ARRB1: variants seen among roughly 807,000 people sequenced by gnomAD.
ARRB1 encodes the protein arrestin beta 1.
Under a neutral mutation model 56.8 loss-of-function variants are expected in ARRB1, and 21 were observed. The observed-to-expected ratio is 0.37, with a 90% CI of 0.26 to 0.53. The LOEUF (loss-of-function observed/expected upper bound fraction) is 0.53. Ranked by LOEUF, ARRB1 falls within the 20% of genes least tolerant of loss-of-function variation. The pLI is 0.88. For missense variants in ARRB1, 424 were observed against 553.7 expected (o/e 0.77, Z 2.35); for synonymous variants, 210 against 218.6 (o/e 0.96, Z 0.35).
rs372742876 is a variant in ARRB1, at chr11:75,269,306, C to G, written c.1023-347G>C. 23 of 441,824 alleles carry G rather than the reference C, an allele frequency of 5.2e-5. 1 individual carries two copies. The highest frequency in any genetic ancestry group is 3.7e-4 in the South Asian group (21 of 56,212). 27.4% of individuals were successfully genotyped at this position (441,824 alleles called of 1,614,324 possible). A position where few individuals can be genotyped will look rare whatever the true frequency, so the allele number is the denominator to read the frequency against. ...TCCAGAGGTGCCCTGGGACCCCCCCCCACCTCAAATCGCCACAGCCACCCT... is the reference window on the plus strand; with the variant it reads ...TCCAGAGGTGCCCTGGGACCCCCCCGCACCTCAAATCGCCACAGCCACCCT... On this transcript the variant is annotated intron_variant, in intron 13 of 15. Transcript: ENST00000420843.
chr11:75,346,302 C>T (rs1343328522), intron 1 of ARRB1, among the ~76,000 whole-genome samples: 2 of 152,256 alleles, frequency 1.3e-5, no homozygotes, highest in African/African-American at 4.8e-5. Context: ...ACATGTCTTC[C>T]CCAGGACCAG....
At chr11:75,332,608 T>G (rs1591983863) in intron 1 of ARRB1, among the ~76,000 whole-genome samples, 1 of 152,196 alleles carries the variant, frequency 6.6e-6, no homozygotes, top group African/African-American at 2.4e-5. Context: ...TAAGTTTACC[T>G]ATAGCTGGCC....
intron 1 of ARRB1, among the ~76,000 whole-genome samples, chr11:75,313,423 G>A (rs1947205068): frequency 6.6e-6 from 1 of 152,224 alleles, no homozygotes; most frequent in Non-Finnish European, 1.5e-5. Flanking sequence ...TAAGGTTGGG[G>A]GCCCCTCAGC....
chr11:75,300,977 A>AG (rs1032212386), intron 1 of ARRB1, among the ~76,000 whole-genome samples: 5 of 147,152 alleles, frequency 3.4e-5, no homozygotes, highest in Non-Finnish European at 7.4e-5. Context: ...CAAAAAAAAA[A>AG]AAAAAAAAAT....
intron 4 of ARRB1, 130 bp downstream of exon 4, chr11:75,284,105 G>A (rs1366850232): frequency 3.2e-6 from 3 of 923,926 alleles, no homozygotes; most frequent in African/African-American, 1.6e-5. Flanking sequence ...AGGAGGCAAC[G>A]GCATCTGTAG....
intron 1 of ARRB1, among the ~76,000 whole-genome samples, chr11:75,294,961 T>C (rs961857364): frequency 2.0e-5 from 3 of 152,102 alleles, no homozygotes; most frequent in Non-Finnish European, 2.9e-5. Flanking sequence ...TGGTGGCTCA[T>C]GCCTGTAATC....
rs574221802 is a variant in ARRB1 at position 75,278,648 on chromosome 11, C to A, written c.579G>T (p.Ser193=). The A allele has an allele frequency of 1.9e-6, 3 of 1,614,144 alleles. No individual in the cohort carries two copies. Among genetic ancestry groups the A allele is most frequent in the Admixed American group, 3.3e-5 (2 of 60,024 alleles). Residue 193 remains serine (S), a synonymous_variant, in exon 8 of 16, where the codon TCG becomes TCT. Coordinates refer to ENST00000420843, the MANE Select transcript of ARRB1 (RefSeq NM_004041.5). ...AGGCTTCTAGGTGCAAGGGCTTGTC[C>A]GACATGAGGAACTGCCTGGTGGTCT... The part of the protein sequence containing the change: ...TAETTRQFLM[S]DKPLHLEASL...
At chr11:75,269,304 C>G (rs1274682797) in intron 13 of ARRB1, 1 of 443,542 alleles carries the variant, frequency 2.3e-6, no homozygotes, top group African/African-American at 2.0e-5. Flanking sequence ...TGGGACCCCC[C>G]CCCACCTCAA....
chr11:75,267,405 C>T (rs1024053170), intron 15 of ARRB1, among the ~76,000 whole-genome samples: 4 of 152,096 alleles, frequency 2.6e-5, no homozygotes, highest in African/African-American at 9.7e-5. Context: ...GACTGACGGA[C>T]GGACGTGCAA....
chr11:75,343,051 T>G (rs1237252369), intron 1 of ARRB1, among the ~76,000 whole-genome samples: 1 of 152,176 alleles, frequency 6.6e-6, no homozygotes, highest in East Asian at 1.9e-4. Flanking sequence ...CGAAATGCCT[T>G]GGCTGAACAA....
chr11:75,337,680 C>G (rs1292769925), intron 1 of ARRB1, among the ~76,000 whole-genome samples: 2 of 151,478 alleles, frequency 1.3e-5, no homozygotes, highest in Non-Finnish European at 2.9e-5. Context: ...GCTAAGGGAG[C>G]CTGGAAGAGG....
In ARRB1 at chr11:75,275,865, G is replaced by T. The variant is rs568203307; in HGVS notation, c.776+974C>A. On this transcript the variant is annotated intron_variant, in intron 10 of 15. Coordinates refer to ENST00000420843, the MANE Select transcript of ARRB1 (RefSeq NM_004041.5). ...CCCTGCTGGTATTCGTTATGCAGAC[G>T]CTGGCACCATCTGCAGTGGTTGGGA... is the stretch of plus-strand genomic sequence containing the variant. Among the ~76,000 whole-genome samples the T allele has an allele frequency of 4.6e-5, 7 of 152,316 alleles. No individual in the cohort carries two copies. The South Asian group carries it at 1.5e-3, about 32-fold the overall frequency.
chr11:75,337,784 G>A (rs1422252347), intron 1 of ARRB1, among the ~76,000 whole-genome samples: 1 of 97,622 alleles, frequency 1.0e-5, no homozygotes, highest in Non-Finnish European at 2.0e-5. Flanking sequence ...TCATTGAAAT[G>A]TCTTTTTTTT....
At chr11:75,317,242 A>T (rs1432761024) in intron 1 of ARRB1, among the ~76,000 whole-genome samples, 1 of 151,958 alleles carries the variant, frequency 6.6e-6, no homozygotes, top group Non-Finnish European at 1.5e-5. Flanking sequence ...GGTCTTTTTG[A>T]AGGAAAGGAA....
intron 2 of ARRB1, among the ~76,000 whole-genome samples, chr11:75,287,825 C>T (rs781721330): frequency 2.0e-5 from 3 of 152,306 alleles, no homozygotes; most frequent in African/African-American, 4.8e-5. Context: ...TGCAGCCAGG[C>T]GGGGATCCAC....
intron 1 of ARRB1, among the ~76,000 whole-genome samples, chr11:75,296,343 C>T (rs1253838112): frequency 2.6e-5 from 4 of 152,156 alleles, no homozygotes; most frequent in Admixed American, 6.6e-5. Flanking sequence ...ACCAAACATG[C>T]CCTATCCGTG....
chr11:75,279,689 A>T (rs186928040), intron 7 of ARRB1, among the ~76,000 whole-genome samples: 9 of 152,170 alleles, frequency 5.9e-5, no homozygotes, highest in African/African-American at 2.2e-4. Context: ...TTATTTTGAG[A>T]TGGAGTCTCA....
chr11:75,314,856 C>G (rs1947237267), intron 1 of ARRB1, among the ~76,000 whole-genome samples: 1 of 152,226 alleles, frequency 6.6e-6, no homozygotes, highest in South Asian at 2.1e-4. Context: ...ATCCACCCGC[C>G]TCGGCCTCCC....
intron 15 of ARRB1, among the ~76,000 whole-genome samples, chr11:75,267,023 C>T (rs1945936561): frequency 1.3e-5 from 2 of 152,150 alleles, no homozygotes; most frequent in African/African-American, 4.8e-5. Context: ...GGTCCCCTGC[C>T]CAACAGGGTT....
Sources: gnomAD v4.1 joint callset for allele counts (sites outside exome capture counted in the v4.1 genomes callset) on GRCh38, gnomAD v4.1.1 for gene constraint, MANE v1.5 for transcripts, NCBI Gene and HGNC (gene_info 2026-07-23, HGNC 2026-07-21) for gene names.